R3HDM2: variants seen among roughly 807,000 people sequenced by gnomAD.
R3HDM2 encodes the protein R3H domain-containing protein 2.
Under a neutral mutation model 124.5 loss-of-function variants are expected in R3HDM2, and 38 were observed. The ratio of observed to expected loss-of-function variants is 0.31; its 90% CI spans 0.24 to 0.40. The LOEUF is 0.40. Among genes scored for constraint, R3HDM2 ranks in the 10% least tolerant of loss-of-function variants. The probability of loss-of-function intolerance (pLI) is 1.00; values close to 1 mark genes in which losing one functional copy is unlikely to be tolerated. For synonymous variants in R3HDM2, 391 were observed against 448.0 expected (o/e 0.87, Z 1.61); for missense variants, 869 against 1,236.9 (o/e 0.70, Z 4.46).
At position 57,269,370 on chromosome 12, in the gene R3HDM2, T is replaced by C. The variant is rs1217917462; in HGVS notation, c.1667A>G (p.Tyr556Cys). 13 of 1,614,058 alleles carry C rather than the reference T, an allele frequency of 8.1e-6. No individual in the cohort carries two copies. Among genetic ancestry groups the C allele is most frequent in the African/African-American group, 5.3e-5 (4 of 74,938 alleles). ...QYRPLSHPVA[Y>C]SPQRGQQLPQ... ...CAGCTGCTGACCACGTTGGGGGCTA[T>C]AGGCCACCGGGTGAGAGAGAGGTCG... The change falls in exon 16 of 24, where the codon TAT becomes TGT. Residue 556 changes from tyrosine to cysteine, a missense_variant. By Grantham distance (194) the Tyr-to-Cys change is radical (BLOSUM62 -2). Coordinates refer to ENST00000402412, the MANE Select transcript of R3HDM2 (RefSeq NM_001394031.1).
chr12:57,299,860 G>GT (rs2050730016), intron 5 of R3HDM2, among the ~76,000 whole-genome samples: 2 of 152,108 alleles, frequency 1.3e-5, no homozygotes, highest in African/African-American at 4.8e-5. Flanking sequence ...CTATGCTGGG[G>GT]TTTTTTTCTT....
intron 2 of R3HDM2, among the ~76,000 whole-genome samples, chr12:57,329,749 A>AAAACAG (rs1555264162): frequency 6.7e-6 from 1 of 150,260 alleles, no homozygotes; most frequent in Non-Finnish European, 1.5e-5. Flanking sequence ...CCGTCTCAAA[A>AAAACAG]AAAAAGAAAA....
At chr12:57,407,243 C>T (rs1163973743) in intron 1 of R3HDM2, among the ~76,000 whole-genome samples, 1 of 146,974 alleles carries the variant, frequency 6.8e-6, no homozygotes, top group African/African-American at 2.5e-5. Context: ...GAGCAAGACT[C>T]CTTCTCAAGA....
chr12:57,296,113 C>T lies in R3HDM2; in HGVS notation c.701+298G>A, dbSNP rs1485317823. ...TTGAACTCCTGACCTTATGATCCAC[C>T]CGCCTCGGCCTCCCAAAGTGCTGGG... is the stretch of plus-strand genomic sequence containing the variant. On this transcript the variant is annotated intron_variant, in intron 9 of 23. Transcript: ENST00000402412. The surrounding 1 kb of genome is among the most constrained non-coding windows in gnomAD (Gnocchi z 4.5). 2.0e-5 allele frequency among the ~76,000 whole-genome samples: 3 copies of T among 152,170 alleles called. No individual in the cohort carries two copies. The highest frequency in any genetic ancestry group is 1.9e-4 in the East Asian group (1 of 5,200).
intron 2 of R3HDM2, among the ~76,000 whole-genome samples, chr12:57,324,820 A>C (rs898771001): frequency 3.9e-5 from 6 of 152,234 alleles, no homozygotes; most frequent in Non-Finnish European, 5.9e-5. Context: ...CCCGTGTTAA[A>C]GTCCTTACCC....
At chr12:57,290,481 C>A (rs2048353313) in intron 11 of R3HDM2, among the ~76,000 whole-genome samples, 1 of 152,176 alleles carries the variant, frequency 6.6e-6, no homozygotes, top group African/African-American at 2.4e-5. Context: ...GCCTTAGTTC[C>A]TCTTTTATAA....
At chr12:57,352,241 C>CAAAA (rs776229504) in intron 2 of R3HDM2, among the ~76,000 whole-genome samples, 64 of 48,284 alleles carry the variant, frequency 1.3e-3, no homozygotes, top group African/African-American at 1.7e-3. Flanking sequence ...GACTCCATCT[C>CAAAA]AAAAAAAAAA....
At chr12:57,392,041 T>C (rs1349827145) in intron 2 of R3HDM2, among the ~76,000 whole-genome samples, 1 of 152,160 alleles carries the variant, frequency 6.6e-6, no homozygotes, top group African/African-American at 2.4e-5. Context: ...TGGGCACCTG[T>C]AATCCCAGCA....
chr12:57,380,597 A>C (rs1446213719), intron 2 of R3HDM2, among the ~76,000 whole-genome samples: 1 of 152,206 alleles, frequency 6.6e-6, no homozygotes, highest in Non-Finnish European at 1.5e-5. Context: ...TGATTCCGAA[A>C]CTTGTCTACA....
At chr12:57,326,053 GT>G in intron 2 of R3HDM2, among the ~76,000 whole-genome samples, 1 of 152,220 alleles carries the variant, frequency 6.6e-6, no homozygotes, top group East Asian at 1.9e-4. Flanking sequence ...TGTTGTAACT[GT>G]TTGGGGGCAC....
intron 1 of R3HDM2, among the ~76,000 whole-genome samples, chr12:57,409,447 T>G (rs1170520543): frequency 6.6e-6 from 1 of 151,122 alleles, no homozygotes; most frequent in Non-Finnish European, 1.5e-5. Context: ...TAAATAGAAG[T>G]TCTGTTAACT....
At chr12:57,334,036 C>CAAA (rs879884252) in intron 2 of R3HDM2, among the ~76,000 whole-genome samples, 28 of 124,226 alleles carry the variant, frequency 2.3e-4, no homozygotes, top group African/African-American at 8.1e-4. Flanking sequence ...GACTCCGTCT[C>CAAA]AAAAAAAAAA....
chr12:57,400,978 G>GT (rs2067995542), intron 1 of R3HDM2, among the ~76,000 whole-genome samples: 1 of 152,010 alleles, frequency 6.6e-6, no homozygotes, highest in Non-Finnish European at 1.5e-5. Flanking sequence ...AAATATTTAA[G>GT]TAAGTAAGCT....
intron 2 of R3HDM2, among the ~76,000 whole-genome samples, chr12:57,313,618 G>T (rs1429836588): frequency 1.3e-5 from 2 of 150,744 alleles, no homozygotes; most frequent in South Asian, 2.1e-4. Context: ...AGTGGCTCAT[G>T]CCTGTAATCT....
chr12:57,270,805 G>A (rs2043432125), intron 14 of R3HDM2, among the ~76,000 whole-genome samples: 1 of 152,044 alleles, frequency 6.6e-6, no homozygotes, highest in Non-Finnish European at 1.5e-5. Context: ...CTGAACTCAA[G>A]TGATCAGCCC....
chr12:57,375,274 T>C (rs2063895127), intron 2 of R3HDM2, among the ~76,000 whole-genome samples: 1 of 152,184 alleles, frequency 6.6e-6, no homozygotes, highest in Admixed American at 6.5e-5. Flanking sequence ...ACAATTTTTA[T>C]GTCTAATCTC....
At chr12:57,280,626 C>T (rs750245120) in intron 13 of R3HDM2, 96 bp from the exon 14 acceptor site, 18 of 1,155,010 alleles carry the variant, frequency 1.6e-5, no homozygotes, top group Non-Finnish European at 2.0e-5. Context: ...TTTTCTTTGC[C>T]TTTCCTCTTT....
intron 14 of R3HDM2, among the ~76,000 whole-genome samples, chr12:57,276,047 C>G (rs1179633689): frequency 6.6e-6 from 1 of 151,876 alleles, no homozygotes; most frequent in Non-Finnish European, 1.5e-5. Context: ...GAAACCCCGT[C>G]TCTACTAAAA....
chr12:57,385,789 G>A (rs1332919610), intron 2 of R3HDM2, among the ~76,000 whole-genome samples: 1 of 152,156 alleles, frequency 6.6e-6, no homozygotes, highest in Non-Finnish European at 1.5e-5. Context: ...CAGAAGAGCA[G>A]CTCTCAAAGT....
Sources: allele counts gnomAD v4.1 joint callset (sites outside exome capture counted in the v4.1 genomes callset), GRCh38; gene constraint gnomAD v4.1.1; non-coding constraint Gnocchi (gnomAD v3.1); transcripts MANE v1.5; gene names NCBI Gene and HGNC (gene_info 2026-07-23, HGNC 2026-07-21).